Variants in HCRTR2 observed in about 807,000 individuals in gnomAD.
HCRTR2 encodes the protein hypocretin receptor 2.
In HCRTR2, 22 loss-of-function variants were observed where a neutral mutation model predicts 49.0. That is an observed-to-expected ratio of 0.45 (90% CI 0.32 to 0.64). The LOEUF is 0.64. Among genes scored for constraint, HCRTR2 ranks in the 30% least tolerant of loss-of-function variants. The pLI is 0.04. For synonymous variants in HCRTR2, 236 were observed against 205.3 expected, an observed-to-expected ratio of 1.15 and a Z score of -1.28; for missense variants, 491 against 559.4, an observed-to-expected ratio of 0.88 and a Z score of 1.23.
chr6:55,177,081 G>A (rs1459897923), intron 1 of HCRTR2, among the ~76,000 whole-genome samples: 1 of 152,064 alleles, frequency 6.6e-6, no homozygotes, highest in African/African-American at 2.4e-5. Context: ...GCTAGCCTGG[G>A]GAGTTTTAGT....
rs578036805 is a variant in HCRTR2, at chr6:55,282,007, G to A, written c.1106-218G>A. ...GAAGCAAATTCCAAGCCCCATATGT[G>A]AAAGGCAGCCTCGTTATTTTATGAA... On this transcript the variant is annotated intron_variant, in intron 6 of 6. Coordinates refer to ENST00000370862, the MANE Select transcript of HCRTR2 (RefSeq NM_001384272.1). Among the ~76,000 whole-genome samples, 79 of 152,200 alleles carry A rather than the reference G, an allele frequency of 5.2e-4. 1 individual carries two copies. In the South Asian group the frequency reaches 0.012, roughly 22 times the overall value.
intron 1 of HCRTR2, among the ~76,000 whole-genome samples, chr6:55,204,236 G>T (rs781163243): frequency 6.6e-6 from 1 of 152,062 alleles, no homozygotes; most frequent in Non-Finnish European, 1.5e-5. Context: ...GAATACCCCA[G>T]CTCTCATATT....
At chr6:55,250,193 C>A (rs1054632111) in intron 2 of HCRTR2, among the ~76,000 whole-genome samples, 3 of 152,034 alleles carry the variant, frequency 2.0e-5, no homozygotes, top group Non-Finnish European at 2.9e-5. Context: ...TTTGGATCAG[C>A]CTGCTGAAAA....
intron 1 of HCRTR2, among the ~76,000 whole-genome samples, chr6:55,233,174 C>T (rs753004141): frequency 7.9e-5 from 12 of 151,792 alleles, no homozygotes; most frequent in Admixed American, 2.6e-4. Flanking sequence ...CTGCAATCTC[C>T]GCCTCTCGGA....
intron 5 of HCRTR2, 69 bp from the exon 6 acceptor site, chr6:55,280,254 C>T: frequency 2.8e-6 from 3 of 1,053,864 alleles, no homozygotes; most frequent in Non-Finnish European, 4.4e-6. Flanking sequence ...CCATCCTCTA[C>T]CAATAGCCTT....
intron 1 of HCRTR2, among the ~76,000 whole-genome samples, chr6:55,110,837 T>A (rs574926216): frequency 8.8e-6 from 1 of 113,266 alleles, no homozygotes; most frequent in Non-Finnish European, 2.0e-5. Context: ...AAGTCAACAA[T>A]GAAACAATGG....
chr6:55,225,833 T>C (rs1353610480), intron 1 of HCRTR2, among the ~76,000 whole-genome samples: 1 of 152,254 alleles, frequency 6.6e-6, no homozygotes, highest in Non-Finnish European at 1.5e-5. Context: ...AGTATAAATG[T>C]AATTAAATGC....
At chr6:55,218,307 A>C (rs1765827992) in intron 1 of HCRTR2, among the ~76,000 whole-genome samples, 1 of 152,238 alleles carries the variant, frequency 6.6e-6, no homozygotes, top group Non-Finnish European at 1.5e-5. Flanking sequence ...CACTACAAAA[A>C]AATTAATGAA....
chr6:55,114,345 T>C (rs1764089071), intron 1 of HCRTR2, among the ~76,000 whole-genome samples: 1 of 151,706 alleles, frequency 6.6e-6, no homozygotes, highest in Non-Finnish European at 1.5e-5. Context: ...CAACACAAAA[T>C]AGAACAAACA....
intron 1 of HCRTR2, among the ~76,000 whole-genome samples, chr6:55,153,800 C>A (rs1356254463): frequency 1.3e-5 from 2 of 150,910 alleles, no homozygotes; most frequent in Admixed American, 6.6e-5. Flanking sequence ...AAGGTTAGAT[C>A]AAAAATAAAT....
At chr6:55,264,339 A>T (rs1427694059) in intron 4 of HCRTR2, among the ~76,000 whole-genome samples, 1 of 152,090 alleles carries the variant, frequency 6.6e-6, no homozygotes, top group Non-Finnish European at 1.5e-5. Flanking sequence ...TAAAAACTGT[A>T]TATAATGCTG....
chr6:55,211,517 T>C (rs1765696218), intron 1 of HCRTR2, among the ~76,000 whole-genome samples: 1 of 152,166 alleles, frequency 6.6e-6, no homozygotes, highest in African/African-American at 2.4e-5. Context: ...CTATTCAGTA[T>C]TTCATTTACT....
In HCRTR2 at chr6:55,174,700, A is replaced by G. The variant is rs1385044398; in HGVS notation, c.113A>G (p.Glu38Gly). Residue 38 changes from glutamate (E) to glycine (G), a missense_variant, in exon 1 of 7, where the codon GAA becomes GGA. By Grantham distance (98) the Glu-to-Gly change is moderately conservative (BLOSUM62 -2). Transcript: ENST00000370862. ...AACCCCACCGACTATGACGACGAGG[A>G]ATTCCTGCGGTACCTGTGGAGGGAA... ...FLNPTDYDDE[E>G]FLRYLWREYL... The G allele has an allele frequency of 1.2e-6, 2 of 1,613,968 alleles. No homozygotes were observed. The highest frequency in any genetic ancestry group is 1.7e-6 in the Non-Finnish European group (2 of 1,180,020).
At chr6:55,247,134 T>TTG (rs2127310788) in intron 1 of HCRTR2, among the ~76,000 whole-genome samples, 1 of 151,894 alleles carries the variant, frequency 6.6e-6, no homozygotes, top group South Asian at 2.1e-4. Flanking sequence ...TAGGGTGGGT[T>TTG]TGTGTGTGTG....
intron 1 of HCRTR2, among the ~76,000 whole-genome samples, chr6:55,238,878 G>A (rs767420307): frequency 1.1e-3 from 165 of 152,302 alleles, no homozygotes; most frequent in Non-Finnish European, 1.3e-3. Context: ...TAAGTTCATT[G>A]CAGGTAGTAA....
chr6:55,279,290 C>T lies in HCRTR2; in HGVS notation c.984-1033C>T, dbSNP rs569830443. 2.0e-5 allele frequency among the ~76,000 whole-genome samples: 3 copies of T among 152,046 alleles called. No homozygotes were observed. The South Asian group carries it at 6.2e-4, about 32-fold the overall frequency. On this transcript the variant is annotated intron_variant, in intron 5 of 6. Transcript: ENST00000370862. ...CATTCCTAGCTTTTTCTCCTTAAAA[C>T]TTAACTTTTTGCCGAATTAGTCAAA...
At chr6:55,262,871 C>T (rs980248152) in intron 3 of HCRTR2, among the ~76,000 whole-genome samples, 29 of 149,764 alleles carry the variant, frequency 1.9e-4, no homozygotes, top group African/African-American at 5.6e-4. Context: ...AGTGATTAAT[C>T]GACTTATTCG....
chr6:55,148,939 T>G (rs964432700), intron 1 of HCRTR2, among the ~76,000 whole-genome samples: 6 of 152,142 alleles, frequency 3.9e-5, no homozygotes, highest in Admixed American at 1.3e-4. Context: ...ATTCTGATAC[T>G]TTCTTTTTCT....
chr6:55,190,097 G>A (rs548827523), intron 1 of HCRTR2, among the ~76,000 whole-genome samples: 6 of 151,932 alleles, frequency 3.9e-5, no homozygotes, highest in Admixed American at 3.3e-4. Context: ...AATGTCTTCT[G>A]GAGTAATTAA....
Sources: gnomAD v4.1 joint callset for allele counts (sites outside exome capture counted in the v4.1 genomes callset) on GRCh38, gnomAD v4.1.1 for gene constraint, MANE v1.5 for transcripts, NCBI Gene and HGNC (gene_info 2026-07-23, HGNC 2026-07-21) for gene names.